FNDC3A: variants seen among roughly 807,000 people sequenced by gnomAD.
The protein encoded by FNDC3A is fibronectin type-III domain-containing protein 3A.
Under a neutral mutation model 148.9 loss-of-function variants are expected in FNDC3A, and 32 were observed. The ratio of observed to expected loss-of-function variants is 0.21; its 90% CI spans 0.16 to 0.29. The LOEUF (loss-of-function observed/expected upper bound fraction) is 0.29, where lower values mean the gene tolerates loss of function less well. FNDC3A is among the 10% of genes least tolerant of loss of function. The pLI is 1.00. For missense variants in FNDC3A, 1,191 were observed against 1,452.8 expected, an observed-to-expected ratio of 0.82 and a Z score of 2.93; for synonymous variants, 472 against 473.6, an observed-to-expected ratio of 1.00 and a Z score of 0.04.
chr13:49,079,842 G>A (rs1478295953), intron 3 of FNDC3A, among the ~76,000 whole-genome samples: 5 of 152,084 alleles, frequency 3.3e-5, no homozygotes, highest in Non-Finnish European at 7.3e-5. Flanking sequence ...TAAGAGACAG[G>A]GTCTCTTTGT....
chr13:49,159,763 T>C (rs1883969700), intron 8 of FNDC3A, among the ~76,000 whole-genome samples: 1 of 152,204 alleles, frequency 6.6e-6, no homozygotes, highest in East Asian at 1.9e-4. Flanking sequence ...GTTTGTCAAA[T>C]AGCTCTTATT....
Position 49,175,390 on chromosome 13 carries a change from A to G in FNDC3A, c.1379A>G (p.Tyr460Cys). Residue 460 changes from tyrosine to cysteine, a missense_variant, in exon 13 of 26, where the codon TAT becomes TGT. Tyr to Cys is a radical substitution (Grantham distance 194). Coordinates refer to ENST00000492622, the MANE Select transcript of FNDC3A (RefSeq NM_001079673.2). The part of the protein sequence containing the change: ...GTSGFSEEVL[Y>C]YTSGCAPSMP... Reference sequence around the variant, plus strand: ...AGTGGTTTTAGTGAAGAAGTCTTATATTACACCTCAGGCTGTGCTCCTTCT... The same window carrying G: ...AGTGGTTTTAGTGAAGAAGTCTTATGTTACACCTCAGGCTGTGCTCCTTCT... The G allele has an allele frequency of 6.3e-7, 1 of 1,595,430 alleles. No individual in the cohort carries two copies. The highest frequency in any genetic ancestry group is 8.5e-7 in the Non-Finnish European group (1 of 1,172,884).
rs1434193361 is a variant in FNDC3A, at chr13:49,150,669, G to A, written c.977+4734G>A. On this transcript the variant is annotated intron_variant, in intron 8 of 25. Transcript: ENST00000492622. ...CAGTGTTTTAAAATTTCTTGAGGCCGGGCACGGTGGCTTACACCTCTAATC... is the reference window on the plus strand; with the variant it reads ...CAGTGTTTTAAAATTTCTTGAGGCCAGGCACGGTGGCTTACACCTCTAATC... Among the ~76,000 whole-genome samples the A allele has an allele frequency of 4.0e-5, 6 of 151,872 alleles. No individual in the cohort carries two copies. The South Asian group carries it at 8.3e-4, about 21-fold the overall frequency.
Position 49,191,282 on chromosome 13 carries a change from A to T in FNDC3A, c.2124A>T (p.Glu708Asp), listed in dbSNP as rs1370829005. ...SVEMSPIEKD[E>D]PREVYQGSEV... ...AAATGTCTCCTATAGAAAAAGATGA[A>T]CCTAGAGAAGTTTACCAAGGTTCTG... Residue 708 changes from glutamate to aspartate, a missense_variant, in exon 19 of 26, where the codon GAA becomes GAT. By Grantham distance (45) the Glu-to-Asp change is conservative. Coordinates refer to ENST00000492622, the MANE Select transcript of FNDC3A (RefSeq NM_001079673.2). 3 of 1,613,524 alleles carry T rather than the reference A, an allele frequency of 1.9e-6. No individual in the cohort carries two copies. In the East Asian group the frequency reaches 6.7e-5, roughly 36 times the overall value.
At chr13:49,113,280 C>A (rs1279994075) in intron 3 of FNDC3A, among the ~76,000 whole-genome samples, 1 of 144,926 alleles carries the variant, frequency 6.9e-6, no homozygotes, top group Non-Finnish European at 1.5e-5. Context: ...CTCCACTTTC[C>A]CCACTTTCCT....
At position 49,159,573 on chromosome 13, in the gene FNDC3A, A is replaced by G. The variant is rs990471433; in HGVS notation, c.978-7671A>G. On this transcript the variant is annotated intron_variant, in intron 8 of 25. Transcript: ENST00000492622. ...ATCATGTCATCTGCAGACAGGGACA[A>G]TTTGACTTCCTGTTTTCCTAACTGA... Among the ~76,000 whole-genome samples the G allele has an allele frequency of 3.3e-5, 5 of 152,186 alleles. 1 individual carries two copies. Among genetic ancestry groups the G allele is most frequent in the Admixed American group, 2.6e-4 (4 of 15,272 alleles).
chr13:49,001,932 G>A (rs1952133007), intron 1 of FNDC3A, among the ~76,000 whole-genome samples: 1 of 151,978 alleles, frequency 6.6e-6, no homozygotes, highest in Non-Finnish European at 1.5e-5. Context: ...CACCCTATTT[G>A]TACGCTCCCT....
intron 1 of FNDC3A, among the ~76,000 whole-genome samples, chr13:48,982,836 G>T (rs937029502): frequency 2.0e-5 from 3 of 152,130 alleles, no homozygotes; most frequent in African/African-American, 4.8e-5. Context: ...AAACATGAGT[G>T]TGCTACTTTA....
rs1255090913 is a variant in FNDC3A, at chr13:49,176,559, C to T, written c.1530+1018C>T. Among the ~76,000 whole-genome samples, 3 of 152,038 alleles carry T rather than the reference C, an allele frequency of 2.0e-5. No individual in the cohort carries two copies. The East Asian group carries it at 5.8e-4, about 29-fold the overall frequency. On this transcript the variant is annotated intron_variant, in intron 13 of 25. Transcript: ENST00000492622. ...TGATGGGTTGATGGGTGCAGCAAAC[C>T]ACCATGGCACATGTATACCTATGTA...
At chr13:49,002,058 T>C (rs1389882446) in intron 1 of FNDC3A, among the ~76,000 whole-genome samples, 1 of 152,168 alleles carries the variant, frequency 6.6e-6, no homozygotes, top group Non-Finnish European at 1.5e-5. Flanking sequence ...TCTTTTGTAC[T>C]CTGTCCTTTT....
intron 1 of FNDC3A, among the ~76,000 whole-genome samples, chr13:48,983,175 G>A (rs967402244): frequency 6.6e-6 from 1 of 152,138 alleles, no homozygotes; most frequent in Non-Finnish European, 1.5e-5. Flanking sequence ...ATAATGATAT[G>A]TAAATAAATA....
chr13:49,166,594 A>G lies in FNDC3A; in HGVS notation c.978-650A>G, dbSNP rs180830701. Among the ~76,000 whole-genome samples the G allele has an allele frequency of 3.3e-5, 5 of 152,308 alleles. No individual in the cohort carries two copies. In the East Asian group the frequency reaches 7.7e-4, roughly 23 times the overall value. On this transcript the variant is annotated intron_variant, in intron 8 of 25. Coordinates refer to ENST00000492622, the MANE Select transcript of FNDC3A (RefSeq NM_001079673.2). ...CTCCCTATGTTAGTTGCAGCCCACA[A>G]GGGTCTAGGGTCTTTCCCATGACTA...
rs1320726212 is a variant in FNDC3A, at chr13:49,209,586, C to T, written c.*2191C>T. On this transcript the variant is annotated 3_prime_UTR_variant, in exon 26 of 26. Coordinates refer to ENST00000492622, the MANE Select transcript of FNDC3A (RefSeq NM_001079673.2). ...CATGGAAAATAAAAGTTGTATCATT[C>T]TTTTTGAGATACGTTTATTGTATTC... is the stretch of plus-strand genomic sequence containing the variant. The T allele has an allele frequency of 6.6e-6, 1 of 152,472 alleles. No individual in the cohort carries two copies. The highest frequency in any genetic ancestry group is 1.5e-5 in the Non-Finnish European group (1 of 67,978). 9.4% of individuals were successfully genotyped at this position (152,472 alleles called of 1,614,324 possible).
intron 8 of FNDC3A, 82 bp from the exon 9 acceptor site, chr13:49,167,162 C>G (rs894081391): frequency 2.7e-6 from 2 of 737,126 alleles, no homozygotes; most frequent in Non-Finnish European, 4.4e-6. Context: ...TCATAAAATA[C>G]TCTAAACTAT....
intron 4 of FNDC3A, among the ~76,000 whole-genome samples, chr13:49,124,485 TAAAA>T (rs575210570): frequency 7.1e-6 from 1 of 140,734 alleles, no homozygotes; most frequent in Non-Finnish European, 1.6e-5. Flanking sequence ...GAACTTTAAT[TAAAA>T]AAAAAAAAGT....
intron 2 of FNDC3A, among the ~76,000 whole-genome samples, chr13:49,057,714 C>T (rs1002686930): frequency 2.0e-5 from 3 of 151,862 alleles, no homozygotes; most frequent in Middle Eastern, 3.2e-3. Context: ...AATTTTTGTT[C>T]TCAACCAATA....
intron 9 of FNDC3A, 112 bp downstream of exon 9, chr13:49,167,415 A>G: frequency 1.5e-6 from 1 of 649,920 alleles, no homozygotes; most frequent in Non-Finnish European, 2.5e-6. Context: ...TTTTGGATTA[A>G]AAACAGACTT....
chr13:49,124,431 G>T (rs1881563651), intron 4 of FNDC3A, among the ~76,000 whole-genome samples: 1 of 151,286 alleles, frequency 6.6e-6, no homozygotes, highest in Non-Finnish European at 1.5e-5. Context: ...CATGGCACGT[G>T]TATACCTATG....
intron 8 of FNDC3A, among the ~76,000 whole-genome samples, chr13:49,161,528 C>G (rs1234556285): frequency 2.0e-5 from 3 of 152,134 alleles, no homozygotes; most frequent in Admixed American, 6.5e-5. Context: ...CCCCTGAATA[C>G]AGCACACTGA....
Sources: gnomAD v4.1 joint callset for allele counts (sites outside exome capture counted in the v4.1 genomes callset) on GRCh38, gnomAD v4.1.1 for gene constraint, MANE v1.5 for transcripts, NCBI Gene and HGNC (gene_info 2026-07-23, HGNC 2026-07-21) for gene names.